The following ERG variants were observed in gnomAD, a reference collection of about 807,000 sequenced individuals.
ERG encodes transcriptional regulator ERG.
In ERG, 9 loss-of-function variants were observed where a neutral mutation model predicts 55.3. The observed-to-expected ratio is 0.16, with a 90% CI of 0.10 to 0.28. The LOEUF (loss-of-function observed/expected upper bound fraction) is 0.28. Among genes scored for constraint, ERG ranks in the 10% least tolerant of loss-of-function variants. The pLI is 1.00. For synonymous variants in ERG, 223 were observed against 237.3 expected (o/e 0.94, Z 0.55); for missense variants, 434 against 631.6 (o/e 0.69, Z 3.35).
chr21:38,472,380 C>T (rs954593147), intron 1 of ERG, among the ~76,000 whole-genome samples: 1 of 152,104 alleles, frequency 6.6e-6, no homozygotes, highest in African/African-American at 2.4e-5. Flanking sequence ...TAATAAACAC[C>T]CTTCAATTAC....
chr21:38,451,194 G>A (rs1304502717), intron 1 of ERG: 1 of 508,894 alleles, frequency 2.0e-6, no homozygotes, highest in Admixed American at 2.0e-5. Context: ...CAGAATCCCT[G>A]GATCTGGGAT....
intron 2 of ERG, among the ~76,000 whole-genome samples, chr21:38,542,426 C>T (rs1186531945): frequency 6.6e-6 from 1 of 152,166 alleles, no homozygotes; most frequent in African/African-American, 2.4e-5. Context: ...GATATGTCTG[C>T]TACAATTTCT....
intron 3 of ERG, among the ~76,000 whole-genome samples, chr21:38,418,270 AGTGTGTGTGT>A (rs71184622): frequency 7.7e-6 from 1 of 130,332 alleles, no homozygotes; most frequent in Non-Finnish European, 1.7e-5. Flanking sequence ...AACATTTGGA[AGTGTGTGTGT>A]GTGTGTGTGT....
At chr21:38,406,693 A>G (rs577014921) in intron 3 of ERG, among the ~76,000 whole-genome samples, 1 of 152,294 alleles carries the variant, frequency 6.6e-6, no homozygotes, top group South Asian at 2.1e-4. Context: ...CTTCCTAGAA[A>G]TAAGTTCATT....
At chr21:38,559,945 A>C (rs1240225550) in intron 2 of ERG, among the ~76,000 whole-genome samples, 1 of 152,176 alleles carries the variant, frequency 6.6e-6, no homozygotes, top group Non-Finnish European at 1.5e-5. Flanking sequence ...GGTCTCCCAA[A>C]GTGCTGGGAT....
chr21:38,619,005 AGG>A (rs1351648129), intron 1 of ERG, among the ~76,000 whole-genome samples: 5 of 152,236 alleles, frequency 3.3e-5, no homozygotes, highest in Non-Finnish European at 5.9e-5. Flanking sequence ...CAATTCAACC[AGG>A]GTCATGCAAA....
rs1339088124 is a variant in ERG at position 38,460,470 on chromosome 21, A to C, written c.19-14849T>G. ...TCAAAACTAAATGTGATGAGAATGCATATATTGCATATGCCATGTGTACAC... is the reference window on the plus strand; with the variant it reads ...TCAAAACTAAATGTGATGAGAATGCCTATATTGCATATGCCATGTGTACAC... On this transcript the variant is annotated intron_variant, in intron 1 of 9. Transcript: ENST00000288319. This position sits in a 1 kb window ranked among gnomAD's most constrained non-coding sequence, Gnocchi z 5.0. Among the ~76,000 whole-genome samples, 1 of 152,232 alleles carries C rather than the reference A, an allele frequency of 6.6e-6. No individual in the cohort carries two copies. Among genetic ancestry groups the C allele is most frequent in the Non-Finnish European group, 1.5e-5 (1 of 68,040 alleles).
rs1601352124 is a variant in ERG, at chr21:38,648,091, T to C, written c.-150+13567A>G. Reference sequence around the variant, plus strand: ...GTGCATTCCAGAAAGGAAGCATGCATTTAACTTTCCCAAATATGTAATATG... The same window carrying C: ...GTGCATTCCAGAAAGGAAGCATGCACTTAACTTTCCCAAATATGTAATATG... On this transcript the variant is annotated intron_variant, in intron 1 of 10. Transcript: ENST00000398910. Among the ~76,000 whole-genome samples the C allele has an allele frequency of 2.6e-5, 4 of 152,350 alleles. No homozygotes were observed. In the South Asian group the frequency reaches 8.3e-4, roughly 32 times the overall value.
intron 1 of ERG, among the ~76,000 whole-genome samples, chr21:38,629,336 A>T (rs2146954689): frequency 6.6e-6 from 1 of 152,370 alleles, no homozygotes; most frequent in South Asian, 2.1e-4. Context: ...AAACCTTTCC[A>T]CACTCAATGG....
chr21:38,590,628 C>CCATCCATGTATTCATCCATCCAT, intron 1 of ERG, among the ~76,000 whole-genome samples: 1 of 151,970 alleles, frequency 6.6e-6, no homozygotes, highest in East Asian at 1.9e-4. Context: ...ATTCATCTAT[C>CCATCCATGTATTCATCCATCCAT]CATCCATGTA....
intron 1 of ERG, among the ~76,000 whole-genome samples, chr21:38,653,214 C>T (rs768899170): frequency 1.3e-5 from 2 of 152,192 alleles, no homozygotes; most frequent in Admixed American, 1.3e-4. Flanking sequence ...AGGCACTGTG[C>T]AAGTCTTCTG....
At chr21:38,504,040 G>T (rs1439306620) in intron 2 of ERG, among the ~76,000 whole-genome samples, 1 of 152,042 alleles carries the variant, frequency 6.6e-6, no homozygotes, top group Non-Finnish European at 1.5e-5. Flanking sequence ...GTGTGTGTGT[G>T]GGGGGGTAGG....
At chr21:38,637,821 G>A (rs1021671546) in intron 1 of ERG, among the ~76,000 whole-genome samples, 1 of 147,670 alleles carries the variant, frequency 6.8e-6, no homozygotes, top group Non-Finnish European at 1.5e-5. Flanking sequence ...TTCTGCGTGT[G>A]TGTGTGTGTG....
At chr21:38,529,065 C>G (rs2059652950) in intron 2 of ERG, among the ~76,000 whole-genome samples, 1 of 152,070 alleles carries the variant, frequency 6.6e-6, no homozygotes, top group Admixed American at 6.5e-5. Flanking sequence ...CACCAAGAAG[C>G]CAGTGTGGCC....
chr21:38,559,489 G>A (rs968329223), intron 2 of ERG, among the ~76,000 whole-genome samples: 5 of 145,790 alleles, frequency 3.4e-5, no homozygotes, highest in African/African-American at 1.0e-4. Flanking sequence ...TGGCCAGCAC[G>A]ATTTAGTCAT....
chr21:38,570,289 C>T (rs9984023), intron 2 of ERG, among the ~76,000 whole-genome samples: 130,864 of 152,266 alleles, frequency 0.86, 56,399 homozygotes, highest in South Asian at 0.91. Context: ...ATGTGCCACA[C>T]AGGCAAGCAC....
chr21:38,456,140 T>C (rs919569201), intron 1 of ERG, among the ~76,000 whole-genome samples: 5 of 152,212 alleles, frequency 3.3e-5, no homozygotes, highest in African/African-American at 4.8e-5. Flanking sequence ...CAGGCTGCAG[T>C]CTCTACCTCC....
intron 1 of ERG, among the ~76,000 whole-genome samples, chr21:38,604,908 A>G (rs2060187578): frequency 6.6e-6 from 1 of 152,228 alleles, no homozygotes; most frequent in African/African-American, 2.4e-5. Context: ...AATGTTAACC[A>G]GAAAGTGTAC....
At chr21:38,417,814 A>G (rs2049905548) in intron 3 of ERG, among the ~76,000 whole-genome samples, 1 of 152,114 alleles carries the variant, frequency 6.6e-6, no homozygotes, top group South Asian at 2.1e-4. Context: ...ATAAAAAATA[A>G]TAATAAAAAA....
Sources: allele counts gnomAD v4.1 joint callset (sites outside exome capture counted in the v4.1 genomes callset), GRCh38; gene constraint gnomAD v4.1.1; non-coding constraint Gnocchi (gnomAD v3.1); transcripts MANE v1.5; gene names NCBI Gene and HGNC (gene_info 2026-07-23, HGNC 2026-07-21).